Variants in TRIM24 observed in about 807,000 individuals in gnomAD.
The protein encoded by TRIM24 is tripartite motif containing 24.
Under a neutral mutation model 123.9 loss-of-function variants are expected in TRIM24, and 29 were observed. That is an observed-to-expected ratio of 0.23 (90% confidence interval 0.17 to 0.32). The LOEUF (loss-of-function observed/expected upper bound fraction) is 0.32. Ranked by LOEUF, TRIM24 falls within the 10% of genes least tolerant of loss-of-function variation. TRIM24 has a pLI of 1.00. For synonymous variants in TRIM24, 456 were observed against 461.1 expected, an observed-to-expected ratio of 0.99 and a Z score of 0.14; for missense variants, 932 against 1,295.3, an observed-to-expected ratio of 0.72 and a Z score of 4.31.
rs903092128 is a variant in TRIM24 at position 138,586,672 on chromosome 7, T to C, written c.*1721T>C. 3 of 152,258 alleles carry C rather than the reference T, an allele frequency of 2.0e-5. No individual in the cohort carries two copies. The highest frequency in any genetic ancestry group is 7.2e-5 in the African/African-American group (3 of 41,464). 9.4% of individuals were successfully genotyped at this position (152,258 alleles called of 1,614,324 possible). A position where few individuals can be genotyped will look rare whatever the true frequency, so the allele number is the denominator to read the frequency against. ...TCTCCAAAGAGTGTTTGAACAGATT[T>C]TGATAACAGTGCATACACCTTTTGT... On this transcript the variant is annotated 3_prime_UTR_variant, in exon 19 of 19. Coordinates refer to ENST00000343526, the MANE Select transcript of TRIM24 (RefSeq NM_015905.3).
In TRIM24 at chr7:138,573,056, A is replaced by G. The variant is rs1226103077; in HGVS notation, c.1879-451A>G. On this transcript the variant is annotated intron_variant, in intron 11 of 18. Coordinates refer to ENST00000343526, the MANE Select transcript of TRIM24 (RefSeq NM_015905.3). ...TCAGAGGATCCACTAGGTCCTATCT[A>G]TCTGTGTGAGGCTAGATTTTCTTCA... Among the ~76,000 whole-genome samples, 4 of 152,220 alleles carry G rather than the reference A, an allele frequency of 2.6e-5. No homozygotes were observed. The East Asian group carries it at 7.7e-4, about 29-fold the overall frequency.
intron 1 of TRIM24, among the ~76,000 whole-genome samples, chr7:138,479,512 G>A (rs544139539): frequency 2.6e-5 from 4 of 152,022 alleles, no homozygotes; most frequent in East Asian, 1.9e-4. Flanking sequence ...AGCTGGGCGT[G>A]TGTCACCATG....
chr7:138,498,397 G>A (rs894878040), intron 1 of TRIM24, among the ~76,000 whole-genome samples: 1 of 151,410 alleles, frequency 6.6e-6, no homozygotes, highest in African/African-American at 2.4e-5. Flanking sequence ...GCTAATTTTT[G>A]TATTTTTAGT....
At chr7:138,467,340 T>TTTTGC (rs1206442667) in intron 1 of TRIM24, among the ~76,000 whole-genome samples, 3 of 129,540 alleles carry the variant, frequency 2.3e-5, no homozygotes, top group African/African-American at 9.1e-5. Flanking sequence ...TTTTGTTTTG[T>TTTTGC]TTTGTTTTGT....
Position 138,584,956 on chromosome 7 carries a change from C to T in TRIM24, c.*5C>T, listed in dbSNP as rs964729059. On this transcript the variant is annotated 3_prime_UTR_variant, in exon 19 of 19. Transcript: ENST00000343526. ...GAACGCCAGTTGCTTAAATAATATG[C>T]AGCACCACTAGCTTGTGCTGGTTTT... The T allele has an allele frequency of 1.2e-6, 2 of 1,600,548 alleles. No homozygotes were observed. The highest frequency in any genetic ancestry group is 3.5e-5 in the Admixed American group (2 of 56,994).
chr7:138,512,238 T>G (rs1366975681), intron 2 of TRIM24, among the ~76,000 whole-genome samples: 1 of 152,118 alleles, frequency 6.6e-6, no homozygotes, highest in African/African-American at 2.4e-5. Flanking sequence ...TCTCATGGGT[T>G]GACATTGAGT....
chr7:138,578,566 G>GCGCGCGCGCA (rs1797821989), intron 14 of TRIM24, among the ~76,000 whole-genome samples: 1 of 132,086 alleles, frequency 7.6e-6, no homozygotes, highest in Non-Finnish European at 1.6e-5. Flanking sequence ...GTGTGTGTGC[G>GCGCGCGCGCA]CGCACGCACG....
intron 13 of TRIM24, 63 bp from the exon 14 acceptor site, chr7:138,577,357 C>A: frequency 7.6e-7 from 1 of 1,323,706 alleles, no homozygotes; most frequent in Non-Finnish European, 1.0e-6. Context: ...TGTTGTTATA[C>A]TTTTTATGAG....
intron 8 of TRIM24, among the ~76,000 whole-genome samples, chr7:138,553,935 A>G (rs1173738243): frequency 6.6e-6 from 1 of 152,214 alleles, no homozygotes; most frequent in Non-Finnish European, 1.5e-5. Context: ...ACTTACATAC[A>G]GGACAGTCCA....
chr7:138,538,910 T>G (rs377002954), intron 7 of TRIM24, 107 bp downstream of exon 7: 1 of 966,284 alleles, frequency 1.0e-6, no homozygotes, highest in African/African-American at 1.7e-5. Context: ...GCTTTTTACC[T>G]ATTTCTAATA....
At chr7:138,568,751 T>TAAAAGA (rs10686632) in intron 10 of TRIM24, among the ~76,000 whole-genome samples, 6 of 151,372 alleles carry the variant, frequency 4.0e-5, no homozygotes, top group African/African-American at 1.5e-4. Flanking sequence ...TATCTTAAAG[T>TAAAAGA]TATCACAGTG....
chr7:138,576,204 C>T (rs935181941), intron 12 of TRIM24, among the ~76,000 whole-genome samples, 169 bp from the exon 13 acceptor site: 3 of 152,136 alleles, frequency 2.0e-5, no homozygotes, highest in East Asian at 1.9e-4. Flanking sequence ...AAAACCCTGC[C>T]GGTGTAACAG....
intron 1 of TRIM24, among the ~76,000 whole-genome samples, chr7:138,491,868 G>A (rs1366088535): frequency 6.6e-6 from 1 of 151,728 alleles, no homozygotes; most frequent in East Asian, 1.9e-4. Context: ...TCCCTAGTGG[G>A]TGTGAAGTGG....
intron 15 of TRIM24, 80 bp from the exon 16 acceptor site, chr7:138,580,481 TC>T: frequency 6.6e-7 from 1 of 1,510,390 alleles, no homozygotes; most frequent in Non-Finnish European, 8.9e-7. Flanking sequence ...ATCATAGATG[TC>T]ATGGAGGAGG....
At chr7:138,464,012 T>TTTTTTTTTTTTTTTTTTTTAA (rs1795076246) in intron 1 of TRIM24, among the ~76,000 whole-genome samples, 1 of 137,162 alleles carries the variant, frequency 7.3e-6, no homozygotes. Context: ...TTTTTTTTTT[T>TTTTTTTTTTTTTTTTTTTTAA]GAGACGGAGT....
chr7:138,513,766 G>T (rs576967661), intron 2 of TRIM24, among the ~76,000 whole-genome samples: 1 of 152,286 alleles, frequency 6.6e-6, no homozygotes, highest in African/African-American at 2.4e-5. Flanking sequence ...TCTTGAATAA[G>T]CAGTAGCATT....
intron 12 of TRIM24, among the ~76,000 whole-genome samples, chr7:138,574,517 G>A (rs1797718066): frequency 6.6e-6 from 1 of 152,184 alleles, no homozygotes; most frequent in African/African-American, 2.4e-5. Flanking sequence ...GACATGATAA[G>A]TAGATAATTC....
rs1203798989 is a variant in TRIM24 at position 138,525,394 on chromosome 7, TTTG to T, written c.881+40_881+42del. 1.3e-5 allele frequency: 16 copies of T among 1,200,136 alleles called. No homozygotes were observed. The East Asian group carries it at 4.2e-4, about 31-fold the overall frequency. 74.3% of individuals were successfully genotyped at this position (1,200,136 alleles called of 1,614,324 possible). On this transcript the variant is annotated intron_variant, in intron 5 of 18. Coordinates refer to ENST00000343526, the MANE Select transcript of TRIM24 (RefSeq NM_015905.3). Reference sequence around the variant, plus strand: ...GTATTATGTAATCATTTTTATATAATTTGTTAAGTATATTCACTTTTAGAACAT... The same window carrying T: ...GTATTATGTAATCATTTTTATATAATTTAAGTATATTCACTTTTAGAACAT...
chr7:138,502,144 A>G (rs1403507236), intron 1 of TRIM24, among the ~76,000 whole-genome samples: 1 of 152,214 alleles, frequency 6.6e-6, no homozygotes, highest in African/African-American at 2.4e-5. Context: ...GAGGGAGTCA[A>G]TATAGATGAG....
Sources: gnomAD v4.1 joint callset for allele counts (sites outside exome capture counted in the v4.1 genomes callset) on GRCh38, gnomAD v4.1.1 for gene constraint, MANE v1.5 for transcripts, NCBI Gene and HGNC (gene_info 2026-07-23, HGNC 2026-07-21) for gene names.